TBXAS1: variants seen among roughly 807,000 people sequenced by gnomAD.
TBXAS1 encodes thromboxane-A synthase.
A neutral mutation model predicts 60.7 loss-of-function variants in TBXAS1; 48 were observed. The observed-to-expected ratio is 0.79, with a 90% confidence interval of 0.63 to 1.01. TBXAS1 has a LOEUF of 1.01. Among genes scored for constraint, TBXAS1 ranks in the 50% least tolerant of loss-of-function variants. The probability of loss-of-function intolerance (pLI) is 0.00; values close to 1 mark genes in which losing one functional copy is unlikely to be tolerated. For missense variants in TBXAS1, 685 were observed against 686.3 expected (o/e 1.00, Z 0.02); for synonymous variants, 287 against 269.7 (o/e 1.06, Z -0.63).
At chr7:139,799,193 C>T (rs147608671) in intron 4 of TBXAS1, among the ~76,000 whole-genome samples, 82 of 151,636 alleles carry the variant, frequency 5.4e-4, no homozygotes, top group African/African-American at 1.6e-3. Flanking sequence ...CTTAGCCTCC[C>T]GAGAAGCTGA....
At chr7:139,786,495 A>G (rs928812518) in intron 3 of TBXAS1, among the ~76,000 whole-genome samples, 5 of 152,176 alleles carry the variant, frequency 3.3e-5, no homozygotes, top group African/African-American at 1.2e-4. Flanking sequence ...TTTACTTCCA[A>G]CAACTTCAAG....
upstream of TBXAS1, among the ~76,000 whole-genome samples, chr7:139,825,596 G>A (rs975163430): frequency 6.6e-6 from 1 of 152,338 alleles, no homozygotes; most frequent in African/African-American, 2.4e-5. Context: ...CATGAGCAGG[G>A]TGGGAGCTGT....
At chr7:139,867,826 T>TAATAAATA (rs55731121) in intron 1 of TBXAS1, among the ~76,000 whole-genome samples, 4,587 of 146,918 alleles carry the variant, frequency 0.031, 95 homozygotes, top group South Asian at 0.045. Context: ...CGAAAATAAA[T>TAATAAATA]AATAAATAAA....
At chr7:139,839,273 A>G (rs753381241) in intron 1 of TBXAS1, among the ~76,000 whole-genome samples, 21 of 152,190 alleles carry the variant, frequency 1.4e-4, no homozygotes, top group Non-Finnish European at 2.5e-4. Context: ...AAATTTTACT[A>G]AAAAGAGTGG....
chr7:139,797,710 G>A (rs1454563558), intron 4 of TBXAS1, among the ~76,000 whole-genome samples: 3 of 152,092 alleles, frequency 2.0e-5, no homozygotes, highest in East Asian at 1.9e-4. Flanking sequence ...AAAGGTAGAC[G>A]AATGAAGTAA....
intron 4 of TBXAS1, among the ~76,000 whole-genome samples, chr7:139,931,826 C>G (rs1299508653): frequency 6.6e-6 from 1 of 151,370 alleles, no homozygotes; most frequent in African/African-American, 2.4e-5. Flanking sequence ...TCCTTTGTCT[C>G]TTTCAAGGCA....
At chr7:140,009,505 A>G (rs1814360651) in intron 10 of TBXAS1, among the ~76,000 whole-genome samples, 1 of 152,032 alleles carries the variant, frequency 6.6e-6, no homozygotes, top group Non-Finnish European at 1.5e-5. Context: ...CTGGTCGGAC[A>G]GTGGAATGGA....
chr7:139,950,504 T>C (rs554670539), intron 5 of TBXAS1, among the ~76,000 whole-genome samples: 5 of 152,300 alleles, frequency 3.3e-5, no homozygotes, highest in Non-Finnish European at 5.9e-5. Context: ...GATGCTCTGC[T>C]ATCTCTCCAC....
At chr7:139,869,440 T>G (rs1169627582) in intron 1 of TBXAS1, among the ~76,000 whole-genome samples, 1 of 151,962 alleles carries the variant, frequency 6.6e-6, no homozygotes, top group Non-Finnish European at 1.5e-5. Context: ...CAGGCTGGAG[T>G]GCAGTGGTAC....
At position 140,017,660 on chromosome 7, in the gene TBXAS1, C is replaced by G; in HGVS notation, c.1365-11C>G. ...GTGTTCTGGGCCAGCCCTGACCACACGGACCTGCAGGTTCACGGCTGAGGC... is the reference window on the plus strand; with the variant it reads ...GTGTTCTGGGCCAGCCCTGACCACAGGGACCTGCAGGTTCACGGCTGAGGC... On this transcript the variant is annotated splice_polypyrimidine_tract_variant and intron_variant, in intron 11 of 12. Transcript: ENST00000448866. 1 of 1,612,318 alleles carries G rather than the reference C, an allele frequency of 6.2e-7. No individual in the cohort carries two copies. The highest frequency in any genetic ancestry group is 1.9e-4 in the Middle Eastern group (1 of 5,204).
chr7:139,940,525 G>C (rs890011121), intron 5 of TBXAS1, among the ~76,000 whole-genome samples: 1 of 152,136 alleles, frequency 6.6e-6, no homozygotes, highest in Non-Finnish European at 1.5e-5. Flanking sequence ...GAGAGCCAGC[G>C]TGGAAAGCCC....
intron 9 of TBXAS1, 55 bp from the exon 10 acceptor site, chr7:140,007,035 TG>T: frequency 6.8e-7 from 1 of 1,480,946 alleles, no homozygotes. Context: ...AAAGACAAAA[TG>T]CTGTGAGATT....
Position 139,990,089 on chromosome 7 carries a change from C to T in TBXAS1, c.1135-17002C>T, listed in dbSNP as rs144233825. Among the ~76,000 whole-genome samples, 12 of 152,326 alleles carry T rather than the reference C, an allele frequency of 7.9e-5. No homozygotes were observed. In the East Asian group the frequency reaches 2.3e-3, roughly 29 times the overall value. On this transcript the variant is annotated intron_variant, in intron 9 of 12. Transcript: ENST00000448866. ...ACTCAATGAAATGACACAAGTGAAACTCACCTGGTGCCTGCCCTCTTCTCA... is the reference window on the plus strand; with the variant it reads ...ACTCAATGAAATGACACAAGTGAAATTCACCTGGTGCCTGCCCTCTTCTCA...
chr7:140,008,049 G>A (rs1176009021), intron 10 of TBXAS1, among the ~76,000 whole-genome samples: 1 of 152,152 alleles, frequency 6.6e-6, no homozygotes, highest in Non-Finnish European at 1.5e-5. Context: ...GCAGCACAAA[G>A]CATTAACCGT....
chr7:139,878,578 C>A (rs1802443448), intron 3 of TBXAS1, among the ~76,000 whole-genome samples: 1 of 152,136 alleles, frequency 6.6e-6, no homozygotes, highest in Non-Finnish European at 1.5e-5. Flanking sequence ...GATTTAGAGG[C>A]AATATGGTGG....
At chr7:139,879,629 T>C (rs1051676730) in intron 3 of TBXAS1, among the ~76,000 whole-genome samples, 6 of 152,160 alleles carry the variant, frequency 3.9e-5, no homozygotes, top group Admixed American at 3.3e-4. Flanking sequence ...TAAATATATA[T>C]TGATATATAT....
intron 1 of TBXAS1, among the ~76,000 whole-genome samples, chr7:139,842,393 G>A (rs1166501443): frequency 6.6e-6 from 1 of 152,146 alleles, no homozygotes; most frequent in Non-Finnish European, 1.5e-5. Flanking sequence ...ATGATTGAAT[G>A]AACTCTTCCC....
chr7:139,818,021 C>A (rs1216228739), intron 4 of TBXAS1, among the ~76,000 whole-genome samples: 1 of 152,208 alleles, frequency 6.6e-6, no homozygotes, highest in Non-Finnish European at 1.5e-5. Context: ...GAGTGACAAG[C>A]AGGCATTCTC....
chr7:139,903,738 T>C (rs1310117819), intron 3 of TBXAS1, among the ~76,000 whole-genome samples: 1 of 152,136 alleles, frequency 6.6e-6, no homozygotes, highest in Non-Finnish European at 1.5e-5. Flanking sequence ...TTATTGGCCA[T>C]TTGTGTATCT....
Sources: allele counts gnomAD v4.1 joint callset (sites outside exome capture counted in the v4.1 genomes callset), GRCh38; gene constraint gnomAD v4.1.1; transcripts MANE v1.5; gene names NCBI Gene and HGNC (gene_info 2026-07-23, HGNC 2026-07-21).